GLB1: variants seen among roughly 807,000 people sequenced by gnomAD.
GLB1 encodes beta-galactosidase.
A neutral mutation model predicts 74.0 loss-of-function variants in GLB1; 56 were observed. That is an observed-to-expected ratio of 0.76 (90% CI 0.61 to 0.94). The LOEUF is 0.94. Ranked by LOEUF, GLB1 falls within the 40% of genes least tolerant of loss-of-function variation. The pLI is 0.00. For synonymous variants in GLB1, 323 were observed against 323.6 expected (o/e 1.00, Z 0.02); for missense variants, 787 against 845.5 (o/e 0.93, Z 0.86).
At chr3:33,045,498 A>G in intron 10 of GLB1, 2 of 988,184 alleles carry the variant, frequency 2.0e-6, no homozygotes, top group Non-Finnish European at 2.4e-6. Context: ...ATAAAAAGGA[A>G]AATAGTTTAT....
intron 1 of GLB1, chr3:33,077,179 G>C (rs748209486): frequency 6.8e-7 from 1 of 1,471,278 alleles, no homozygotes; most frequent in East Asian, 2.8e-5. Flanking sequence ...TTTGTGAAGC[G>C]GCAGCTGAGA....
chr3:33,047,771 T>G (rs1478135492), intron 9 of GLB1, among the ~76,000 whole-genome samples: 3 of 152,196 alleles, frequency 2.0e-5, no homozygotes, highest in Non-Finnish European at 4.4e-5. Flanking sequence ...CTCCAAAGAC[T>G]TTTTCATTAG....
intron 9 of GLB1, among the ~76,000 whole-genome samples, chr3:33,050,969 C>G (rs977620552): frequency 1.3e-5 from 2 of 152,192 alleles, no homozygotes; most frequent in Non-Finnish European, 2.9e-5. Context: ...TGGCTCACGC[C>G]TGTAATCCCA....
At chr3:32,981,355 G>A in the GLB1 span, among the ~76,000 whole-genome samples, 15,428 of 135,006 alleles carry the variant, frequency 0.11, 1,073 homozygotes, top group African/African-American at 0.21. Flanking sequence ...AGCCGAGACC[G>A]CACCATTGCA....
chr3:33,002,725 T>C (rs1696629815), intron 15 of GLB1, among the ~76,000 whole-genome samples: 1 of 152,158 alleles, frequency 6.6e-6, no homozygotes, highest in South Asian at 2.1e-4. Context: ...CTGTTTTAAG[T>C]TGTAGTTTAA....
chr3:32,998,153 C>T (rs777697780), intron 15 of GLB1, among the ~76,000 whole-genome samples: 104 of 152,334 alleles, frequency 6.8e-4, no homozygotes, highest in Non-Finnish European at 1.2e-3. Context: ...GGAGGATAAA[C>T]TCCTAAAAAA....
the GLB1 span, among the ~76,000 whole-genome samples, chr3:32,970,221 A>G: frequency 1.3e-5 from 2 of 152,340 alleles, no homozygotes; most frequent in African/African-American, 4.8e-5. Context: ...GCTCAGGTAA[A>G]GTGGAGTGCA....
the GLB1 span, among the ~76,000 whole-genome samples, chr3:32,965,070 T>A: frequency 6.6e-6 from 1 of 152,154 alleles, no homozygotes; most frequent in Non-Finnish European, 1.5e-5. Context: ...CCTCTTTCCT[T>A]TATAAATTAC....
At chr3:33,027,294 C>T (rs576392901) in intron 10 of GLB1, among the ~76,000 whole-genome samples, 3 of 152,274 alleles carry the variant, frequency 2.0e-5, no homozygotes, top group Non-Finnish European at 4.4e-5. Context: ...CAGCAGCCAG[C>T]GTGTCTGACC....
intron 1 of GLB1, among the ~76,000 whole-genome samples, chr3:33,083,369 C>T (rs1700390313): frequency 7.4e-6 from 1 of 135,314 alleles, no homozygotes; most frequent in Non-Finnish European, 1.5e-5. Flanking sequence ...TGCACTCCAG[C>T]CTGGGCAACA....
intron 10 of GLB1, among the ~76,000 whole-genome samples, chr3:33,038,475 A>T (rs1033392202): frequency 6.6e-6 from 1 of 152,228 alleles, no homozygotes; most frequent in African/African-American, 2.4e-5. Context: ...ATGTTTTAAA[A>T]TATCTTTTTG....
chr3:33,056,105 G>C lies in GLB1; in HGVS notation c.733+1984C>G, dbSNP rs965003488. Among the ~76,000 whole-genome samples the C allele has an allele frequency of 4.0e-5, 6 of 151,528 alleles. No individual in the cohort carries two copies. The East Asian group carries it at 1.2e-3, about 30-fold the overall frequency. On this transcript the variant is annotated intron_variant, in intron 6 of 15. Coordinates refer to ENST00000307363, the MANE Select transcript of GLB1 (RefSeq NM_000404.4). Reference sequence around the variant, plus strand: ...TAGCCAGGCGTGGTGGCAGGTGCCTGTAATCCCAGCTACTTGGGAGGCTGA... The same window carrying C: ...TAGCCAGGCGTGGTGGCAGGTGCCTCTAATCCCAGCTACTTGGGAGGCTGA...
rs1043511313 is a variant in GLB1 at position 33,097,022 on chromosome 3, G to T, written c.64C>A (p.Arg22Ser). Residue 22 changes from arginine to serine, a missense_variant, in exon 1 of 16, where the codon CGC becomes AGC. Physicochemically the swap from Arg to Ser is moderately radical, Grantham distance 110. Coordinates refer to ENST00000307363, the MANE Select transcript of GLB1 (RefSeq NM_000404.4). ...TCCCGCAGACTTACGCGCAAGCCGC[G>T]CGTAGGGCCCAGAAGCAGCAGAACC... ...LLVLLLLGPTRGLRNATQRMF... is the reference protein window; with the variant it reads ...LLVLLLLGPTSGLRNATQRMF... 1.2e-6 allele frequency: 2 copies of T among 1,612,208 alleles called. No homozygotes were observed. Among genetic ancestry groups the T allele is most frequent in the Non-Finnish European group, 1.7e-6 (2 of 1,179,004 alleles).
chr3:33,013,427 G>A (rs936058553), intron 15 of GLB1, among the ~76,000 whole-genome samples: 2 of 152,160 alleles, frequency 1.3e-5, no homozygotes, highest in Admixed American at 1.3e-4. Context: ...CTTAGTGCCT[G>A]GCACACACCT....
chr3:32,970,818 G>A, the GLB1 span, among the ~76,000 whole-genome samples: 2 of 152,126 alleles, frequency 1.3e-5, no homozygotes, highest in Non-Finnish European at 2.9e-5. Context: ...CACACTGGAA[G>A]CTAAGCTCTT....
At chr3:33,011,108 C>T (rs909427702) in intron 15 of GLB1, among the ~76,000 whole-genome samples, 8 of 152,140 alleles carry the variant, frequency 5.3e-5, no homozygotes, top group African/African-American at 1.7e-4. Flanking sequence ...CCACCCGTCT[C>T]GGCCTCCCAA....
At chr3:33,069,990 G>A (rs1460214180) in intron 2 of GLB1, among the ~76,000 whole-genome samples, 4 of 141,790 alleles carry the variant, frequency 2.8e-5, no homozygotes, top group Non-Finnish European at 6.2e-5. Context: ...CCCATTGTCT[G>A]TTGTTCCCTT....
the GLB1 span, among the ~76,000 whole-genome samples, chr3:32,972,510 T>A: frequency 6.6e-6 from 1 of 152,190 alleles, no homozygotes. Context: ...CCCTCATTAG[T>A]GGGTTCTTGC....
the GLB1 span, among the ~76,000 whole-genome samples, chr3:32,986,032 G>C: frequency 2.0e-5 from 3 of 152,152 alleles, no homozygotes; most frequent in Non-Finnish European, 2.9e-5. Context: ...TTTTAATGAT[G>C]CTTTAAAAAT....
Sources: allele counts gnomAD v4.1 joint callset (sites outside exome capture counted in the v4.1 genomes callset), GRCh38; gene constraint gnomAD v4.1.1; transcripts MANE v1.5; gene names NCBI Gene and HGNC (gene_info 2026-07-23, HGNC 2026-07-21).